PRKG1: variants seen among roughly 807,000 people sequenced by gnomAD.
PRKG1 encodes cGMP-dependent protein kinase 1.
Under a neutral mutation model 88.1 loss-of-function variants are expected in PRKG1, and 35 were observed. The ratio of observed to expected loss-of-function variants is 0.40; its 90% CI spans 0.30 to 0.53. The LOEUF is 0.53. Ranked by LOEUF, PRKG1 falls within the 20% of genes least tolerant of loss-of-function variation. The probability of loss-of-function intolerance (pLI) is 0.59; values close to 1 mark genes in which losing one functional copy is unlikely to be tolerated. For synonymous variants in PRKG1, 303 were observed against 292.5 expected (o/e 1.04, Z -0.37); for missense variants, 540 against 839.8 (o/e 0.64, Z 4.41).
chr10:51,962,885 G>A (rs1213333129), intron 5 of PRKG1, among the ~76,000 whole-genome samples: 5 of 152,102 alleles, frequency 3.3e-5, no homozygotes, highest in African/African-American at 1.2e-4. Flanking sequence ...GAATTTAATC[G>A]GTGAGATGAG....
chr10:51,218,471 A>G (rs1455878404), intron 2 of PRKG1, among the ~76,000 whole-genome samples: 1 of 128,052 alleles, frequency 7.8e-6, no homozygotes, highest in Non-Finnish European at 1.6e-5. Context: ...GTCTACTTTC[A>G]TTATAGTTCA....
intron 2 of PRKG1, among the ~76,000 whole-genome samples, chr10:51,314,333 T>C (rs1301742218): frequency 6.6e-6 from 1 of 152,140 alleles, no homozygotes; most frequent in Non-Finnish European, 1.5e-5. Context: ...TCTAGCTGAT[T>C]CCTGAAATGC....
chr10:52,028,340 G>T (rs996514662), intron 5 of PRKG1, among the ~76,000 whole-genome samples: 8 of 152,186 alleles, frequency 5.3e-5, no homozygotes, highest in African/African-American at 1.7e-4. Context: ...CTGCAAGCCT[G>T]AGTGCCTTTA....
Position 51,035,036 on chromosome 10 carries a change from G to A in PRKG1, c.266+43392G>A, listed in dbSNP as rs375447857. Among the ~76,000 whole-genome samples, 11 of 151,990 alleles carry A rather than the reference G, an allele frequency of 7.2e-5. No homozygotes were observed. In the East Asian group the frequency reaches 7.7e-4, roughly 11 times the overall value. ...TTCTTATTTGGAATTCTCAAAATAC[G>A]TATATTCTGGGAAAAGATCAGAGAT... On this transcript the variant is annotated intron_variant, in intron 1 of 17. Coordinates refer to the PRKG1 transcript ENST00000401604.
At chr10:52,103,099 T>G (rs1847334406) in intron 7 of PRKG1, among the ~76,000 whole-genome samples, 1 of 152,158 alleles carries the variant, frequency 6.6e-6, no homozygotes, top group Non-Finnish European at 1.5e-5. Context: ...GGCTGTGTGT[T>G]CCTTATGAGA....
At chr10:51,260,819 A>T (rs1839686215) in intron 2 of PRKG1, among the ~76,000 whole-genome samples, 1 of 152,228 alleles carries the variant, frequency 6.6e-6, no homozygotes, top group Non-Finnish European at 1.5e-5. Flanking sequence ...GGTTTAGGTG[A>T]GACTTAGCCA....
At chr10:52,151,571 GT>G (rs1324327665) in intron 8 of PRKG1, among the ~76,000 whole-genome samples, 4 of 152,200 alleles carry the variant, frequency 2.6e-5, no homozygotes, top group Non-Finnish European at 5.9e-5. Context: ...GAAGAGTAAT[GT>G]GTAATATCTA....
intron 2 of PRKG1, among the ~76,000 whole-genome samples, chr10:51,447,121 C>T (rs1246308701): frequency 6.6e-6 from 1 of 152,022 alleles, no homozygotes; most frequent in African/African-American, 2.4e-5. Flanking sequence ...TAGCCAAACA[C>T]ATTAACCTTT....
intron 1 of PRKG1, among the ~76,000 whole-genome samples, chr10:51,136,588 AG>A (rs1244764263): frequency 1.4e-5 from 1 of 70,638 alleles, no homozygotes; most frequent in Non-Finnish European, 2.9e-5. Flanking sequence ...TGTGTGTGGG[AG>A]GGGGGCGGGG....
At chr10:51,379,737 G>A (rs570465266) in intron 2 of PRKG1, among the ~76,000 whole-genome samples, 23 of 152,336 alleles carry the variant, frequency 1.5e-4, no homozygotes, top group African/African-American at 5.3e-4. Flanking sequence ...GAAGAGTTGA[G>A]AGAGTAAGGC....
chr10:52,171,033 AG>A (rs762399570), intron 9 of PRKG1, among the ~76,000 whole-genome samples: 6 of 150,926 alleles, frequency 4.0e-5, no homozygotes, highest in Non-Finnish European at 8.9e-5. Context: ...GCTAGCTTCT[AG>A]CAAACAGGAA....
At chr10:51,827,865 C>G (rs977322261) in intron 4 of PRKG1, among the ~76,000 whole-genome samples, 2 of 152,062 alleles carry the variant, frequency 1.3e-5, no homozygotes, top group East Asian at 1.9e-4. Flanking sequence ...AACCAGACAA[C>G]TAGATTGCAT....
chr10:51,053,453 T>G (rs1441223244), intron 1 of PRKG1, among the ~76,000 whole-genome samples: 1 of 152,118 alleles, frequency 6.6e-6, no homozygotes, highest in African/African-American at 2.4e-5. Context: ...TTGGCCCTTT[T>G]TAATGGTGTT....
At chr10:51,500,442 C>T (rs996908182) in intron 3 of PRKG1, among the ~76,000 whole-genome samples, 3 of 152,096 alleles carry the variant, frequency 2.0e-5, no homozygotes, top group East Asian at 1.9e-4. Flanking sequence ...AGTTAGTGTG[C>T]GGAAAATCTT....
chr10:51,632,305 G>A (rs1040439309), intron 3 of PRKG1, among the ~76,000 whole-genome samples: 1 of 152,086 alleles, frequency 6.6e-6, no homozygotes, highest in Non-Finnish European at 1.5e-5. Context: ...TACTGTACAG[G>A]TTGTTTTGGG....
chr10:51,369,815 C>T lies in PRKG1; in HGVS notation c.479-97908C>T, dbSNP rs1842664043. On this transcript the variant is annotated intron_variant, in intron 2 of 17. Transcript: ENST00000373980. ...ATGTGTCCCCTATGCACCTTATGCT[C>T]TACGACATCATCTCTGAGAGAAAAA... is the stretch of plus-strand genomic sequence containing the variant. Among the ~76,000 whole-genome samples the T allele has an allele frequency of 3.9e-5, 6 of 152,226 alleles. No individual in the cohort carries two copies. The South Asian group carries it at 1.2e-3, about 32-fold the overall frequency.
intron 2 of PRKG1, among the ~76,000 whole-genome samples, chr10:51,261,298 G>A (rs1445332049): frequency 2.0e-5 from 3 of 152,162 alleles, no homozygotes; most frequent in Non-Finnish European, 4.4e-5. Context: ...TAGATTCAGA[G>A]ATATTCCTAG....
rs528873278 is a variant in PRKG1 at position 51,328,858 on chromosome 10, A to G, written c.479-138865A>G. Among the ~76,000 whole-genome samples, 12 of 152,202 alleles carry G rather than the reference A, an allele frequency of 7.9e-5. No homozygotes were observed. In the East Asian group the frequency reaches 1.5e-3, roughly 20 times the overall value. On this transcript the variant is annotated intron_variant, in intron 2 of 17. Transcript: ENST00000373980. ...TCTTTGCCTATTTTGGGGAGATATTAGGTACATTTTATTTTTTTATTTGTT... is the reference window on the plus strand; with the variant it reads ...TCTTTGCCTATTTTGGGGAGATATTGGGTACATTTTATTTTTTTATTTGTT...
At chr10:51,286,958 C>G (rs1840456834) in intron 2 of PRKG1, among the ~76,000 whole-genome samples, 1 of 152,076 alleles carries the variant, frequency 6.6e-6, no homozygotes, top group Non-Finnish European at 1.5e-5. Context: ...CTCACTGGAG[C>G]CTTGACTTTT....
Sources: allele counts gnomAD v4.1 joint callset (sites outside exome capture counted in the v4.1 genomes callset), GRCh38; gene constraint gnomAD v4.1.1; transcripts MANE v1.5; gene names NCBI Gene and HGNC (gene_info 2026-07-23, HGNC 2026-07-21).